Variants in GRIK4 observed in about 807,000 individuals in gnomAD.
GRIK4 encodes glutamate ionotropic receptor kainate type subunit 4.
In GRIK4, 40 loss-of-function variants were observed where a neutral mutation model predicts 104.9. That is an observed-to-expected ratio of 0.38 (90% CI 0.30 to 0.50). The LOEUF (loss-of-function observed/expected upper bound fraction) is 0.50, where lower values mean the gene tolerates loss of function less well. Ranked by LOEUF, GRIK4 falls within the 20% of genes least tolerant of loss-of-function variation. The pLI is 0.93. For missense variants in GRIK4, 1,047 were observed against 1,308.1 expected, an observed-to-expected ratio of 0.80 and a Z score of 3.08; for synonymous variants, 485 against 524.9, an observed-to-expected ratio of 0.92 and a Z score of 1.04.
intron 3 of GRIK4, among the ~76,000 whole-genome samples, chr11:120,752,564 T>C (rs1951575442): frequency 6.6e-6 from 1 of 152,262 alleles, no homozygotes; most frequent in Non-Finnish European, 1.5e-5. Flanking sequence ...TTTAACAGTG[T>C]TGGCCTGATG....
intron 11 of GRIK4, among the ~76,000 whole-genome samples, chr11:120,894,113 A>G (rs1640375395): frequency 6.6e-6 from 1 of 152,340 alleles, no homozygotes; most frequent in East Asian, 1.9e-4. Context: ...ACTAAAGCCC[A>G]TAGTGTGAAG....
chr11:120,710,997 T>TGGGGGGG (rs139734821), intron 3 of GRIK4, among the ~76,000 whole-genome samples: 20 of 124,872 alleles, frequency 1.6e-4, no homozygotes, highest in African/African-American at 4.8e-4. Flanking sequence ...CCCTGTGAGG[T>TGGGGGGG]GGGGAGGGGG....
chr11:120,886,776 A>C (rs1288644395), intron 11 of GRIK4, among the ~76,000 whole-genome samples: 1 of 152,216 alleles, frequency 6.6e-6, no homozygotes, highest in Non-Finnish European at 1.5e-5. Context: ...CTCTGCGTTC[A>C]CTGCCCCGTA....
intron 3 of GRIK4, among the ~76,000 whole-genome samples, chr11:120,795,175 C>G (rs901848379): frequency 1.3e-5 from 2 of 152,190 alleles, no homozygotes; most frequent in Non-Finnish European, 2.9e-5. Context: ...TTATTTTACC[C>G]CTTAAAAGGG....
chr11:120,667,201 C>T (rs1017615471), intron 3 of GRIK4, among the ~76,000 whole-genome samples: 1 of 152,224 alleles, frequency 6.6e-6, no homozygotes, highest in African/African-American at 2.4e-5. Flanking sequence ...TCATTGTGTC[C>T]TCATTAATAA....
In GRIK4 at chr11:120,954,808, CACACACACACACACACACACACAA is replaced by C. The variant is rs1197341642; in HGVS notation, c.1700+1848_1700+1871del. On this transcript the variant is annotated intron_variant, in intron 15 of 20. Transcript: ENST00000527524. The stretch of plus-strand genomic sequence containing the variant: ...ACACACACACACACACACACACACA[CACACACACACACACACACACACAA>C]ACAATACTGGAGTCTAGGGTATTCT... 2.1e-3 allele frequency among the ~76,000 whole-genome samples: 136 copies of C among 65,106 alleles called. 1 individual carries two copies. The highest frequency in any genetic ancestry group is 6.8e-3 in the African/African-American group (117 of 17,330). The allele number at this position is 65,106 out of a possible 152,430, so 42.7% of individuals were successfully genotyped here.
intron 13 of GRIK4, among the ~76,000 whole-genome samples, chr11:120,916,708 A>G (rs1282776712): frequency 6.6e-6 from 1 of 152,238 alleles, no homozygotes; most frequent in Admixed American, 6.5e-5. Context: ...AAATTATTTA[A>G]AATATTGTAT....
chr11:120,519,668 T>C (rs1449221304), intron 1 of GRIK4, among the ~76,000 whole-genome samples: 1 of 152,122 alleles, frequency 6.6e-6, no homozygotes, highest in Non-Finnish European at 1.5e-5. Context: ...AGATTCAGAG[T>C]AGATGATTCA....
intron 1 of GRIK4, among the ~76,000 whole-genome samples, chr11:120,627,053 T>C (rs1949269475): frequency 6.6e-6 from 1 of 152,170 alleles, no homozygotes; most frequent in Admixed American, 6.5e-5. Context: ...GGCCTGGCCC[T>C]GTTTGTGCTG....
chr11:120,847,495 A>G (rs1473183369), intron 8 of GRIK4, among the ~76,000 whole-genome samples: 1 of 152,222 alleles, frequency 6.6e-6, no homozygotes, highest in Non-Finnish European at 1.5e-5. Flanking sequence ...GAATAGGCCA[A>G]TCCAAAGGGC....
chr11:120,798,479 G>GTGTTT (rs1206330102), intron 3 of GRIK4, among the ~76,000 whole-genome samples: 1 of 151,766 alleles, frequency 6.6e-6, no homozygotes, highest in Non-Finnish European at 1.5e-5. Flanking sequence ...TGTTTTTGTT[G>GTGTTT]TGTTTTGTTT....
chr11:120,674,470 G>A (rs1374965930), intron 3 of GRIK4, among the ~76,000 whole-genome samples: 1 of 152,212 alleles, frequency 6.6e-6, no homozygotes, highest in Non-Finnish European at 1.5e-5. Flanking sequence ...AAGCAAGGCT[G>A]CTCTTTGAAA....
At chr11:120,638,571 G>C (rs1406148482) in intron 1 of GRIK4, among the ~76,000 whole-genome samples, 1 of 151,686 alleles carries the variant, frequency 6.6e-6, no homozygotes, top group Non-Finnish European at 1.5e-5. Context: ...TCCGCCTCCT[G>C]GGTTCACGCC....
At chr11:120,634,146 G>A (rs1376475334) in intron 1 of GRIK4, among the ~76,000 whole-genome samples, 1 of 152,202 alleles carries the variant, frequency 6.6e-6, no homozygotes, top group Non-Finnish European at 1.5e-5. Context: ...GATAATATAT[G>A]TAAAGTGCTT....
intron 6 of GRIK4, among the ~76,000 whole-genome samples, chr11:120,827,441 G>T (rs1224586531): frequency 6.6e-6 from 1 of 152,230 alleles, no homozygotes. Flanking sequence ...GACTTGGCAG[G>T]CAGGCAGGCA....
In GRIK4 at chr11:120,962,734, G is replaced by C; in HGVS notation, c.2266+53G>C. On this transcript the variant is annotated intron_variant, in intron 18 of 20. Coordinates refer to ENST00000527524, the MANE Select transcript of GRIK4 (RefSeq NM_014619.5). ...GGTAGCTTTGTCCAGACAGGGTCAGGGTAGCTCAAACCACTGAATACAGCA... is the reference window on the plus strand; with the variant it reads ...GGTAGCTTTGTCCAGACAGGGTCAGCGTAGCTCAAACCACTGAATACAGCA... 2.4e-6 allele frequency: 3 copies of C among 1,273,842 alleles called. No homozygotes were observed. The East Asian group carries it at 7.0e-5, about 30-fold the overall frequency. 78.9% of individuals were successfully genotyped at this position (1,273,842 alleles called of 1,614,324 possible). A position where few individuals can be genotyped will look rare whatever the true frequency, so the allele number is the denominator to read the frequency against.
chr11:120,551,155 A>G (rs1394515317), intron 1 of GRIK4, among the ~76,000 whole-genome samples: 2 of 152,198 alleles, frequency 1.3e-5, no homozygotes, highest in East Asian at 3.9e-4. Flanking sequence ...ATGAGATGAG[A>G]GTGAGGGAAG....
intron 3 of GRIK4, among the ~76,000 whole-genome samples, chr11:120,677,125 GATT>G (rs1185413456): frequency 1.3e-5 from 2 of 152,176 alleles, no homozygotes; most frequent in African/African-American, 4.8e-5. Flanking sequence ...CTGCAACTGA[GATT>G]ATGCCACCAG....
At chr11:120,738,636 C>G (rs1352673594) in intron 3 of GRIK4, among the ~76,000 whole-genome samples, 2 of 152,184 alleles carry the variant, frequency 1.3e-5, no homozygotes, top group African/African-American at 4.8e-5. Flanking sequence ...AGCTGCTGTT[C>G]TACATGCAGG....
Sources: allele counts gnomAD v4.1 joint callset (sites outside exome capture counted in the v4.1 genomes callset), GRCh38; gene constraint gnomAD v4.1.1; transcripts MANE v1.5; gene names NCBI Gene and HGNC (gene_info 2026-07-23, HGNC 2026-07-21).